The following NKAIN2 variants were observed in gnomAD, a reference collection of about 807,000 sequenced individuals.
NKAIN2 encodes the protein sodium/potassium-transporting ATPase subunit beta-1-interacting protein 2.
NKAIN2 carries 14 observed loss-of-function variants against 32.6 expected under a neutral mutation model. The observed-to-expected ratio is 0.43, with a 90% confidence interval of 0.28 to 0.67. NKAIN2 has a LOEUF of 0.67. NKAIN2 is among the 30% of genes least tolerant of loss of function. The pLI is 0.17. For missense variants in NKAIN2, 198 were observed against 258.3 expected (o/e 0.77, Z 1.60); for synonymous variants, 80 against 87.2 (o/e 0.92, Z 0.46).
intron 4 of NKAIN2, among the ~76,000 whole-genome samples, chr6:124,764,470 A>G (rs746170715): frequency 6.6e-5 from 10 of 152,116 alleles, no homozygotes; most frequent in Non-Finnish European, 1.5e-5. Flanking sequence ...ATTTAGTTTT[A>G]TGCTTTGAAA....
intron 1 of NKAIN2, among the ~76,000 whole-genome samples, chr6:123,843,131 G>C (rs1053253506): frequency 6.6e-6 from 1 of 152,110 alleles, no homozygotes; most frequent in Admixed American, 6.5e-5. Flanking sequence ...TTTTAGCTTT[G>C]CCACTGCACA....
intron 3 of NKAIN2, among the ~76,000 whole-genome samples, chr6:124,486,864 C>A (rs1332968872): frequency 6.6e-6 from 1 of 151,998 alleles, no homozygotes; most frequent in Non-Finnish European, 1.5e-5. Context: ...TCTTCTTATC[C>A]TAGCCTTCAT....
In NKAIN2 at chr6:123,983,765, A is replaced by G. The variant is rs187098089; in HGVS notation, c.54+179511A>G. ...TATATATTTTTTTTTTCTAGTAATA[A>G]TATTAAGTGTTTAGAATATTCTCTT... On this transcript the variant is annotated intron_variant, in intron 1 of 6. Transcript: ENST00000368417. 2.3e-3 allele frequency among the ~76,000 whole-genome samples: 353 copies of G among 151,968 alleles called. 4 individuals are homozygous for G. The highest frequency in any genetic ancestry group is 3.4e-3 in the Middle Eastern group (1 of 292).
intron 2 of NKAIN2, among the ~76,000 whole-genome samples, chr6:124,335,191 G>A (rs1308962686): frequency 6.6e-6 from 1 of 152,176 alleles, no homozygotes; most frequent in Non-Finnish European, 1.5e-5. Flanking sequence ...AAATTGGGAA[G>A]TTGTATTGTA....
chr6:123,824,920 G>A lies in NKAIN2; in HGVS notation c.54+20666G>A, dbSNP rs1774084199. Among the ~76,000 whole-genome samples the A allele has an allele frequency of 3.3e-5, 5 of 152,088 alleles. No homozygotes were observed. The South Asian group carries it at 1.0e-3, about 32-fold the overall frequency. On this transcript the variant is annotated intron_variant, in intron 1 of 6. Transcript: ENST00000368417. ...AGAAAAAAGCAAGGAAGTACATGAT[G>A]TGCTTTTTGAAAGGCTTCCAATCTG... is the stretch of plus-strand genomic sequence containing the variant.
intron 3 of NKAIN2, among the ~76,000 whole-genome samples, chr6:124,399,704 A>G (rs1325545314): frequency 1.3e-5 from 2 of 152,214 alleles, no homozygotes; most frequent in Admixed American, 1.3e-4. Context: ...TCCTTAGCGA[A>G]GCAGAGGATA....
At chr6:123,948,793 C>A (rs546720480) in intron 1 of NKAIN2, among the ~76,000 whole-genome samples, 2 of 151,646 alleles carry the variant, frequency 1.3e-5, no homozygotes, top group Non-Finnish European at 3.0e-5. Context: ...ATTTTTGCTT[C>A]TGTTGCCTGT....
intron 1 of NKAIN2, among the ~76,000 whole-genome samples, chr6:124,125,468 A>G (rs1786113246): frequency 6.6e-6 from 1 of 152,178 alleles, no homozygotes; most frequent in African/African-American, 2.4e-5. Flanking sequence ...AGTCAAAATG[A>G]CTAATGGGAT....
chr6:124,484,281 G>A (rs1777567538), intron 3 of NKAIN2, among the ~76,000 whole-genome samples: 2 of 152,114 alleles, frequency 1.3e-5, no homozygotes. Context: ...AGGACCATTG[G>A]TTCTATGAAC....
chr6:124,315,794 T>C (rs1449438882), intron 2 of NKAIN2, among the ~76,000 whole-genome samples: 1 of 152,120 alleles, frequency 6.6e-6, no homozygotes, highest in Non-Finnish European at 1.5e-5. Context: ...TAGTAAGAAA[T>C]GGAAAAATGT....
intron 4 of NKAIN2, among the ~76,000 whole-genome samples, chr6:124,774,479 T>C (rs931387646): frequency 4.6e-5 from 7 of 152,064 alleles, no homozygotes; most frequent in Non-Finnish European, 7.3e-5. Context: ...AGTTTGCACA[T>C]AGTAAGTTTG....
intron 3 of NKAIN2, chr6:124,390,724 C>G (rs996633253): frequency 3.3e-5 from 5 of 152,068 alleles, no homozygotes; most frequent in Non-Finnish European, 7.4e-5. Flanking sequence ...GTTTCTCTGT[C>G]TACCTCAGCA....
At chr6:124,818,508 A>G (rs1410997846) in intron 6 of NKAIN2, 40 bp downstream of exon 6, 5 of 871,286 alleles carry the variant, frequency 5.7e-6, no homozygotes, top group Non-Finnish European at 9.2e-6. Context: ...TGGGGTACTA[A>G]AGATAATCAA....
At chr6:124,682,347 A>T (rs1035938428) in intron 4 of NKAIN2, among the ~76,000 whole-genome samples, 1 of 152,180 alleles carries the variant, frequency 6.6e-6, no homozygotes, top group East Asian at 1.9e-4. Context: ...TATCTGAAAA[A>T]GATGCTGGCA....
chr6:123,952,932 C>T (rs756843730), intron 1 of NKAIN2, among the ~76,000 whole-genome samples: 2 of 152,108 alleles, frequency 1.3e-5, no homozygotes, highest in Non-Finnish European at 2.9e-5. Context: ...TTGGAGGTAA[C>T]ATATTTCCCT....
chr6:124,596,618 G>T (rs1360313980), intron 3 of NKAIN2, among the ~76,000 whole-genome samples: 1 of 151,230 alleles, frequency 6.6e-6, no homozygotes, highest in Non-Finnish European at 1.5e-5. Flanking sequence ...TTATCCATCT[G>T]TATTATTCAG....
intron 3 of NKAIN2, among the ~76,000 whole-genome samples, chr6:124,458,453 C>G (rs1343205456): frequency 1.3e-5 from 2 of 151,794 alleles, no homozygotes; most frequent in Non-Finnish European, 2.9e-5. Context: ...GGCTACAGCT[C>G]TCTCTCTGCT....
intron 1 of NKAIN2, among the ~76,000 whole-genome samples, chr6:124,260,203 T>A (rs1005343031): frequency 1.4e-4 from 21 of 152,206 alleles, no homozygotes; most frequent in African/African-American, 4.6e-4. Flanking sequence ...TTCTATGGAC[T>A]AAGTATATGT....
At chr6:124,531,810 A>G (rs1779536927) in intron 3 of NKAIN2, among the ~76,000 whole-genome samples, 1 of 152,182 alleles carries the variant, frequency 6.6e-6, no homozygotes. Flanking sequence ...AGCTGGGACT[A>G]CAGGCATGCG....
Sources: allele counts gnomAD v4.1 joint callset (sites outside exome capture counted in the v4.1 genomes callset), GRCh38; gene constraint gnomAD v4.1.1; transcripts MANE v1.5; gene names NCBI Gene and HGNC (gene_info 2026-07-23, HGNC 2026-07-21).